The following CNOT1 variants were observed in gnomAD, a reference collection of about 807,000 sequenced individuals.
CNOT1 encodes the protein CCR4-NOT transcription complex subunit 1, also known as CCR4-associated factor 1.
Under a neutral mutation model 273.8 loss-of-function variants are expected in CNOT1, and 15 were observed. That is an observed-to-expected ratio of 0.05 (90% CI 0.04 to 0.08). The LOEUF is 0.08. CNOT1 is among the 10% of genes least tolerant of loss of function. The probability of loss-of-function intolerance (pLI) is 1.00; values close to 1 mark genes in which losing one functional copy is unlikely to be tolerated. For missense variants in CNOT1, 1,644 were observed against 2,912.2 expected (o/e 0.56, Z 10.02); for synonymous variants, 1,022 against 1,005.5 (o/e 1.02, Z -0.31).
At chr16:58,618,935 G>C (rs891559050) in intron 1 of CNOT1, among the ~76,000 whole-genome samples, 4 of 152,196 alleles carry the variant, frequency 2.6e-5, no homozygotes, top group Non-Finnish European at 5.9e-5. Flanking sequence ...GCTCCCGCCT[G>C]TAATCCCAGC....
intron 8 of CNOT1, 46 bp from the exon 9 acceptor site, chr16:58,583,228 C>T (rs762059226): frequency 6.3e-7 from 1 of 1,596,438 alleles, no homozygotes; most frequent in Non-Finnish European, 8.5e-7. Context: ...AGCCTCAACA[C>T]CGAGATTGAG....
chr16:58,613,176 C>A (rs146159840), intron 1 of CNOT1, among the ~76,000 whole-genome samples: 1 of 152,150 alleles, frequency 6.6e-6, no homozygotes, highest in Admixed American at 6.6e-5. Context: ...GGATTACAGG[C>A]ATGCGCCAAC....
intron 16 of CNOT1, among the ~76,000 whole-genome samples, chr16:58,562,898 C>T (rs1171135397): frequency 3.3e-5 from 5 of 152,116 alleles, no homozygotes; most frequent in Non-Finnish European, 7.3e-5. Flanking sequence ...CAGAATGTTA[C>T]TACTGGCATT....
At chr16:58,584,575 G>A (rs2041772470) in intron 8 of CNOT1, among the ~76,000 whole-genome samples, 1 of 151,920 alleles carries the variant, frequency 6.6e-6, no homozygotes, top group Non-Finnish European at 1.5e-5. Flanking sequence ...CAGGTGATCC[G>A]CCCACCTCGG....
chr16:58,540,686 A>G (rs1169761510), intron 34 of CNOT1, among the ~76,000 whole-genome samples: 1 of 152,184 alleles, frequency 6.6e-6, no homozygotes, highest in Non-Finnish European at 1.5e-5. Flanking sequence ...ATTAGTATTC[A>G]TTTCTGACCT....
chr16:58,615,385 C>G (rs1472286378), intron 1 of CNOT1, among the ~76,000 whole-genome samples: 1 of 125,152 alleles, frequency 8.0e-6, no homozygotes, highest in African/African-American at 2.7e-5. Context: ...AGTTCCTAAC[C>G]CACAAAGTAT....
At chr16:58,528,035 C>A in intron 44 of CNOT1, 1 of 395,258 alleles carries the variant, frequency 2.5e-6, no homozygotes. Flanking sequence ...ATAGCTTGAA[C>A]CAGCGAAGGG....
At chr16:58,626,863 A>G (rs1042538409) in intron 1 of CNOT1, among the ~76,000 whole-genome samples, 4 of 151,934 alleles carry the variant, frequency 2.6e-5, no homozygotes, top group African/African-American at 9.7e-5. Context: ...TTTTGTAAAG[A>G]CAGGGTCTCA....
rs2040256961 is a variant in CNOT1, at chr16:58,546,337, A to C, written c.3990T>G (p.Pro1330=). The part of the protein sequence containing the change: ...KKDVKQPEEL[P]PITTTTTSTT... ...CACACTTACTTGTGGTTGTGATGGGAGGGAGTTCTTCTGGCTGCTTGACAT... is the reference window on the plus strand; with the variant it reads ...CACACTTACTTGTGGTTGTGATGGGCGGGAGTTCTTCTGGCTGCTTGACAT... The change falls in exon 29 of 49, where the codon CCT becomes CCG. Residue 1330 remains proline, a synonymous_variant. Coordinates refer to ENST00000317147, the MANE Select transcript of CNOT1 (RefSeq NM_016284.5). 2 of 1,613,458 alleles carry C rather than the reference A, an allele frequency of 1.2e-6. No individual in the cohort carries two copies. The highest frequency in any genetic ancestry group is 1.7e-6 in the Non-Finnish European group (2 of 1,179,648).
intron 34 of CNOT1, 116 bp from the exon 35 acceptor site, chr16:58,540,075 A>G: frequency 9.5e-7 from 1 of 1,052,670 alleles, no homozygotes; most frequent in South Asian, 1.8e-5. Context: ...TTATTTTTAC[A>G]TTCAAACATG....
At chr16:58,543,995 G>C in intron 30 of CNOT1, 92 bp from the exon 31 acceptor site, 1 of 1,466,966 alleles carries the variant, frequency 6.8e-7, no homozygotes, top group South Asian at 1.5e-5. Context: ...TGTAAATCAA[G>C]ATTAACCAAA....
intron 1 of CNOT1, among the ~76,000 whole-genome samples, chr16:58,609,110 A>T (rs1266857722): frequency 6.6e-6 from 1 of 152,230 alleles, no homozygotes; most frequent in Non-Finnish European, 1.5e-5. Flanking sequence ...GCAGTGGCTC[A>T]TGCCTGTAAT....
rs768619888 is a variant in CNOT1, at chr16:58,546,656, G to C, written c.3828+16C>G. On this transcript the variant is annotated intron_variant, in intron 28 of 48. Coordinates refer to ENST00000317147, the MANE Select transcript of CNOT1 (RefSeq NM_016284.5). ...AGGCAAAGAATGTTCCAGAGGACAA[G>C]GAAGCAGTAAATTACCTTTAAGTCA... is the stretch of plus-strand genomic sequence containing the variant. The C allele has an allele frequency of 6.2e-7, 1 of 1,613,872 alleles. No homozygotes were observed.
intron 1 of CNOT1, among the ~76,000 whole-genome samples, chr16:58,616,355 C>T (rs2043082406): frequency 7.0e-6 from 1 of 142,758 alleles, no homozygotes; most frequent in Non-Finnish European, 1.6e-5. Flanking sequence ...ATCCACCTGC[C>T]TCGGCCTCCC....
chr16:58,570,235 A>G (rs888687411), intron 16 of CNOT1, among the ~76,000 whole-genome samples: 1 of 152,244 alleles, frequency 6.6e-6, no homozygotes, highest in South Asian at 2.1e-4. Context: ...GAAAAATTCA[A>G]GAATCCTGGC....
intron 46 of CNOT1, among the ~76,000 whole-genome samples, chr16:58,524,774 G>A (rs1467994921): frequency 6.6e-6 from 1 of 152,154 alleles, no homozygotes; most frequent in East Asian, 1.9e-4. Flanking sequence ...TTGCAGAACA[G>A]GAGAGTCCTA....
intron 1 of CNOT1, among the ~76,000 whole-genome samples, chr16:58,620,790 T>C (rs1234020128): frequency 1.3e-5 from 2 of 151,794 alleles, no homozygotes; most frequent in Non-Finnish European, 2.9e-5. Context: ...ATGAAGGTAT[T>C]AGAATGACTT....
intron 45 of CNOT1, among the ~76,000 whole-genome samples, chr16:58,525,684 A>C (rs1415119145): frequency 1.3e-5 from 2 of 152,254 alleles, no homozygotes; most frequent in Admixed American, 6.5e-5. Context: ...CTGTAAATAT[A>C]TAACTTTCCA....
At chr16:58,612,375 T>C (rs578139786) in intron 1 of CNOT1, among the ~76,000 whole-genome samples, 26 of 152,312 alleles carry the variant, frequency 1.7e-4, no homozygotes, top group African/African-American at 6.3e-4. Context: ...ATTTCCCAAG[T>C]AGCATTCTGA....
Sources: allele counts gnomAD v4.1 joint callset (sites outside exome capture counted in the v4.1 genomes callset), GRCh38; gene constraint gnomAD v4.1.1; transcripts MANE v1.5; gene names NCBI Gene and HGNC (gene_info 2026-07-23, HGNC 2026-07-21).